PAPPA2: variants seen among roughly 807,000 people sequenced by gnomAD.
PAPPA2 encodes the protein pappalysin 2.
Under a neutral mutation model 176.4 loss-of-function variants are expected in PAPPA2, and 86 were observed. The observed-to-expected ratio is 0.49, with a 90% confidence interval of 0.41 to 0.58. The LOEUF is 0.58. Ranked by LOEUF, PAPPA2 falls within the 20% of genes least tolerant of loss-of-function variation. The pLI, the probability that PAPPA2 is intolerant of heterozygous loss-of-function variation, is 0.00. For missense variants in PAPPA2, 2,073 were observed against 2,256.9 expected, an observed-to-expected ratio of 0.92 and a Z score of 1.65; for synonymous variants, 809 against 852.2, an observed-to-expected ratio of 0.95 and a Z score of 0.88.
chr1:176,518,295 G>A (rs2102533619), intron 1 of PAPPA2, among the ~76,000 whole-genome samples: 1 of 152,230 alleles, frequency 6.6e-6, no homozygotes, highest in African/African-American at 2.4e-5. Context: ...CTCATGCTGT[G>A]TAGACCTTAT....
At chr1:176,697,694 CT>C (rs1339571411) in intron 7 of PAPPA2, among the ~76,000 whole-genome samples, 2 of 152,156 alleles carry the variant, frequency 1.3e-5, no homozygotes, top group Non-Finnish European at 1.5e-5. Flanking sequence ...CCAGCCTCAC[CT>C]CATAATCCTG....
chr1:176,743,036 A>T (rs1033066992), intron 14 of PAPPA2, among the ~76,000 whole-genome samples: 1 of 152,164 alleles, frequency 6.6e-6, no homozygotes, highest in African/African-American at 2.4e-5. Flanking sequence ...GATGTTCATG[A>T]TCTTTGTCTT....
rs1651273839 is a variant in PAPPA2, at chr1:176,556,194, G to A, written c.-129G>A. The A allele has an allele frequency of 8.8e-7, 1 of 1,133,832 alleles. No homozygotes were observed. Among genetic ancestry groups the A allele is most frequent in the African/African-American group, 1.6e-5 (1 of 64,464 alleles). 70.2% of individuals were successfully genotyped at this position (1,133,832 alleles called of 1,614,324 possible). A position where few individuals can be genotyped will look rare whatever the true frequency, so the allele number is the denominator to read the frequency against. ...TCTTGGGGCTATTTGAAAAAGTTTG[G>A]TCTGTGAACAAAACAGTTTCCCTGG... On this transcript the variant is annotated 5_prime_UTR_variant, in exon 2 of 23. Transcript: ENST00000367662.
intron 1 of PAPPA2, among the ~76,000 whole-genome samples, chr1:176,536,369 G>T (rs919928338): frequency 1.3e-5 from 2 of 152,176 alleles, no homozygotes; most frequent in Admixed American, 1.3e-4. Flanking sequence ...TCAGTTATCT[G>T]TTGCCACAAT....
In PAPPA2 at chr1:176,832,327, A is replaced by G. The variant is rs1031777080; in HGVS notation, c.5203-7846A>G. Among the ~76,000 whole-genome samples, 6 of 152,244 alleles carry G rather than the reference A, an allele frequency of 3.9e-5. 1 individual carries two copies. Among genetic ancestry groups the G allele is most frequent in the Middle Eastern group, 6.8e-3 (2 of 294 alleles). On this transcript the variant is annotated intron_variant, in intron 21 of 22. Coordinates refer to ENST00000367662, the MANE Select transcript of PAPPA2 (RefSeq NM_020318.3). ...ATTGTTGGTAAGGAGCAGAGCTGGG[A>G]TCTGAGCATAGGTTTATGTAAAACC...
At chr1:176,692,077 T>C in intron 5 of PAPPA2, 49 bp from the exon 6 acceptor site, 1 of 1,529,534 alleles carries the variant, frequency 6.5e-7, no homozygotes, top group Non-Finnish European at 9.0e-7. Context: ...TTGGTGGACT[T>C]GATGGGTTAA....
chr1:176,791,173 A>ATTTTTTTTT (rs57185368), intron 18 of PAPPA2, among the ~76,000 whole-genome samples, 174 bp from the exon 19 acceptor site: 12 of 80,874 alleles, frequency 1.5e-4, no homozygotes, highest in African/African-American at 7.2e-4. Context: ...AAAGCAAAGA[A>ATTTTTTTTT]TTTTTTTTTT....
intron 4 of PAPPA2, among the ~76,000 whole-genome samples, chr1:176,689,759 T>C (rs911253137): frequency 1.3e-5 from 2 of 152,172 alleles, no homozygotes; most frequent in Admixed American, 1.3e-4. Flanking sequence ...AATGTCGTTT[T>C]GTGAACCTCA....
At position 176,692,411 on chromosome 1, in the gene PAPPA2, AT is replaced by A. The variant is rs1660161499; in HGVS notation, c.2624+96del. 6 of 1,283,576 alleles carry A rather than the reference AT, an allele frequency of 4.7e-6. No homozygotes were observed. The Admixed American group carries it at 1.2e-4, about 25-fold the overall frequency. 79.5% of individuals were successfully genotyped at this position (1,283,576 alleles called of 1,614,324 possible). ...AGAATATGAATCCAGGGGAACTCCA[AT>A]TTGGAAGTATAAATGTGTGCACCAC... On this transcript the variant is annotated intron_variant, in intron 6 of 22. Transcript: ENST00000367662.
rs1482424128 is a variant in PAPPA2 at position 176,594,869 on chromosome 1, A to G, written c.1265A>G (p.His422Arg). ...GAGGATGGGCACTATTTCCGTGGAC[A>G]CCTGGGCACACTGGTTTTCTGGTCG... ...SSEDGHYFRGHLGTLVFWSTA... is the reference protein window; with the variant it reads ...SSEDGHYFRGRLGTLVFWSTA... The change falls in exon 3 of 23, where the codon CAC becomes CGC. Residue 422 changes from histidine to arginine, a missense_variant. His to Arg is a conservative substitution (Grantham distance 29). Transcript: ENST00000367662. 3 of 1,614,158 alleles carry G rather than the reference A, an allele frequency of 1.9e-6. No individual in the cohort carries two copies. The Admixed American group carries it at 5.0e-5, about 27-fold the overall frequency.
chr1:176,561,020 A>G (rs1053011601), intron 2 of PAPPA2, among the ~76,000 whole-genome samples: 1 of 152,192 alleles, frequency 6.6e-6, no homozygotes, highest in Admixed American at 6.5e-5. Context: ...TGTCCCTGAC[A>G]TGAAGACAAG....
rs572895286 is a variant in PAPPA2 at position 176,479,645 on chromosome 1, G to A, written c.-917+16227G>A. Among the ~76,000 whole-genome samples the A allele has an allele frequency of 1.2e-4, 18 of 152,310 alleles. No individual in the cohort carries two copies. The South Asian group carries it at 1.9e-3, about 16-fold the overall frequency. ...GCTTAGAGAAATGTAATGAATAAAG[G>A]AGGGTCCTCTCATGGTCTGTTAATT... On this transcript the variant is annotated intron_variant, in intron 1 of 22. Coordinates refer to ENST00000367662, the MANE Select transcript of PAPPA2 (RefSeq NM_020318.3).
chr1:176,837,478 C>CAAAAAA (rs35134966), intron 21 of PAPPA2, among the ~76,000 whole-genome samples: 2 of 94,764 alleles, frequency 2.1e-5, no homozygotes, highest in Non-Finnish European at 4.2e-5. Context: ...TGTTAAAAGG[C>CAAAAAA]AAAAAAAAAA....
At chr1:176,782,990 C>A (rs947910737) in intron 17 of PAPPA2, among the ~76,000 whole-genome samples, 1 of 151,882 alleles carries the variant, frequency 6.6e-6, no homozygotes. Context: ...GATGGGGTGA[C>A]CAAAAAGGTA....
intron 7 of PAPPA2, among the ~76,000 whole-genome samples, chr1:176,697,738 G>C (rs1314788370): frequency 6.6e-6 from 1 of 152,122 alleles, no homozygotes; most frequent in Non-Finnish European, 1.5e-5. Context: ...TGTCTTCACA[G>C]ATATCATTAC....
At chr1:176,733,151 A>T (rs1662240462) in intron 12 of PAPPA2, among the ~76,000 whole-genome samples, 3 of 152,202 alleles carry the variant, frequency 2.0e-5, no homozygotes, top group Admixed American at 2.0e-4. Flanking sequence ...ACTGTCTTCC[A>T]TAAAATAGGT....
At chr1:176,820,832 G>T (rs1476986303) in intron 21 of PAPPA2, among the ~76,000 whole-genome samples, 2 of 152,028 alleles carry the variant, frequency 1.3e-5, no homozygotes, top group African/African-American at 4.8e-5. Flanking sequence ...AAGAGAAAAA[G>T]AAAGAAACCA....
intron 3 of PAPPA2, among the ~76,000 whole-genome samples, chr1:176,639,745 G>A (rs566108860): frequency 5.5e-5 from 8 of 145,998 alleles, no homozygotes; most frequent in Non-Finnish European, 1.2e-4. Flanking sequence ...ATGGAGTTTC[G>A]CTCTTGTTGC....
intron 3 of PAPPA2, among the ~76,000 whole-genome samples, chr1:176,597,989 A>G (rs886678725): frequency 6.6e-6 from 1 of 152,032 alleles, no homozygotes; most frequent in Non-Finnish European, 1.5e-5. Flanking sequence ...AGGGGAACTC[A>G]CTCCTATTTA....
Sources: allele counts gnomAD v4.1 joint callset (sites outside exome capture counted in the v4.1 genomes callset), GRCh38; gene constraint gnomAD v4.1.1; transcripts MANE v1.5; gene names NCBI Gene and HGNC (gene_info 2026-07-23, HGNC 2026-07-21).